Variants in MAN1C1 observed in about 807,000 individuals in gnomAD.
The protein encoded by MAN1C1 is mannosyl-oligosaccharide 1,2-alpha-mannosidase IC.
In MAN1C1, 49 loss-of-function variants were observed where a neutral mutation model predicts 71.5. That is an observed-to-expected ratio of 0.69 (90% CI 0.54 to 0.87). The LOEUF (loss-of-function observed/expected upper bound fraction) is 0.87, where lower values mean the gene tolerates loss of function less well. Among genes scored for constraint, MAN1C1 ranks in the 40% least tolerant of loss-of-function variants. The pLI is 0.00. For missense variants in MAN1C1, 743 were observed against 835.0 expected, an observed-to-expected ratio of 0.89 and a Z score of 1.36; for synonymous variants, 352 against 343.7, an observed-to-expected ratio of 1.02 and a Z score of -0.27.
At chr1:25,674,589 A>G (rs1343490306) in intron 1 of MAN1C1, among the ~76,000 whole-genome samples, 1 of 152,226 alleles carries the variant, frequency 6.6e-6, no homozygotes, top group Non-Finnish European at 1.5e-5. Flanking sequence ...GGGCACTGAA[A>G]GATGAGTGGA....
intron 1 of MAN1C1, among the ~76,000 whole-genome samples, chr1:25,651,075 A>G (rs2124064119): frequency 6.6e-6 from 1 of 152,266 alleles, no homozygotes. Flanking sequence ...AGAGATTGCC[A>G]CTGGGTGAAC....
chr1:25,743,831 T>C (rs2047093118), intron 2 of MAN1C1, among the ~76,000 whole-genome samples: 1 of 152,168 alleles, frequency 6.6e-6, no homozygotes, highest in African/African-American at 2.4e-5. Flanking sequence ...CCCCTGGCCT[T>C]GAAGGACATA....
Position 25,782,652 on chromosome 1 carries a change from C to T in MAN1C1, c.1718C>T (p.Pro573Leu), listed in dbSNP as rs200005708. ...ATCCAAGACGTGTACAGTAGCACCCCCAACCACGACAACAAGCAGCAGAGC... is the reference window on the plus strand; with the variant it reads ...ATCCAAGACGTGTACAGTAGCACCCTCAACCACGACAACAAGCAGCAGAGC... ...SGIQDVYSST[P>L]NHDNKQQSFF... The change falls in exon 11 of 12, where the codon CCC becomes CTC. Residue 573 changes from proline (P) to leucine (L), a missense_variant. Pro to Leu is a moderately conservative substitution (Grantham distance 98, BLOSUM62 -3). Transcript: ENST00000374332. This position sits in a 1 kb window ranked among gnomAD's most constrained non-coding sequence, Gnocchi z 4.4. 55 of 1,613,946 alleles carry T rather than the reference C, an allele frequency of 3.4e-5. No homozygotes were observed. In the South Asian group the frequency reaches 4.4e-4, roughly 13 times the overall value.
At chr1:25,745,983 T>G (rs374756588) in intron 2 of MAN1C1, among the ~76,000 whole-genome samples, 3 of 151,180 alleles carry the variant, frequency 2.0e-5, no homozygotes, top group African/African-American at 4.9e-5. Context: ...AGAACAAGAT[T>G]CTGTCTCCAA....
intron 1 of MAN1C1, among the ~76,000 whole-genome samples, chr1:25,660,557 TA>T (rs1162121958): frequency 2.0e-5 from 3 of 147,880 alleles, no homozygotes; most frequent in African/African-American, 7.5e-5. Flanking sequence ...CATGCCTGGC[TA>T]ATTTTTTGTA....
At chr1:25,672,754 TG>T (rs1364994252) in intron 1 of MAN1C1, among the ~76,000 whole-genome samples, 2 of 152,134 alleles carry the variant, frequency 1.3e-5, no homozygotes, top group African/African-American at 4.8e-5. Context: ...TTAGAACATT[TG>T]GGGGCCATTG....
rs2045103503 is a variant in MAN1C1, at chr1:25,616,835, C to T, written c.-963C>T. ...GCGGCGGCGGGGACGGCGGTGGAGG[C>T]GGCCGGGTGGCTGTGCGCGCGTGTG... On this transcript the variant is annotated 5_prime_UTR_variant, in exon 1 of 12. Transcript: ENST00000374332. The surrounding 1 kb of genome is among the most constrained non-coding windows in gnomAD (Gnocchi z 5.6). Among the ~76,000 whole-genome samples the T allele has an allele frequency of 3.4e-5, 5 of 148,454 alleles. No individual in the cohort carries two copies. The South Asian group carries it at 1.0e-3, about 31-fold the overall frequency.
chr1:25,710,844 G>A (rs1324137049), intron 2 of MAN1C1, among the ~76,000 whole-genome samples: 1 of 152,194 alleles, frequency 6.6e-6, no homozygotes. Flanking sequence ...TATAGTTGAT[G>A]GGACCCTGGG....
chr1:25,730,899 G>A lies in MAN1C1; in HGVS notation c.638-15769G>A, dbSNP rs1026982716. Among the ~76,000 whole-genome samples the A allele has an allele frequency of 3.9e-5, 6 of 152,242 alleles. No individual in the cohort carries two copies. Among genetic ancestry groups the A allele is most frequent in the Non-Finnish European group, 8.8e-5 (6 of 68,046 alleles). On this transcript the variant is annotated intron_variant, in intron 2 of 11. Transcript: ENST00000374332. The surrounding 1 kb of genome is among the most constrained non-coding windows in gnomAD (Gnocchi z 4.3). ...ATTGCTAGTACCTTGGACAGATGCA[G>A]ACTCGCTGCTGGCTCAGAGAGGTTA...
chr1:25,769,638 C>T lies in MAN1C1; in HGVS notation c.1142-2019C>T, dbSNP rs1257714422. Among the ~76,000 whole-genome samples the T allele has an allele frequency of 6.6e-6, 1 of 152,192 alleles. No homozygotes were observed. The highest frequency in any genetic ancestry group is 6.5e-5 in the Admixed American group (1 of 15,284). ...CTGGCACAGCCCAAGCCTCCCATCCCGGCAGAGCCCAGGCCTCCCTTCCAT... is the reference window on the plus strand; with the variant it reads ...CTGGCACAGCCCAAGCCTCCCATCCTGGCAGAGCCCAGGCCTCCCTTCCAT... On this transcript the variant is annotated intron_variant, in intron 7 of 11. Coordinates refer to ENST00000374332, the MANE Select transcript of MAN1C1 (RefSeq NM_020379.4). This position sits in a 1 kb window ranked among gnomAD's most constrained non-coding sequence, Gnocchi z 4.8.
chr1:25,765,116 T>C (rs1327277568), intron 7 of MAN1C1, among the ~76,000 whole-genome samples: 2 of 152,152 alleles, frequency 1.3e-5, no homozygotes, highest in African/African-American at 4.8e-5. Context: ...TCCCAGAGTT[T>C]TCAGAAGGTC....
At chr1:25,647,867 C>A (rs1282864378) in intron 1 of MAN1C1, among the ~76,000 whole-genome samples, 1 of 152,078 alleles carries the variant, frequency 6.6e-6, no homozygotes, top group Non-Finnish European at 1.5e-5. Context: ...TGGCTAATGG[C>A]TTAGGACCTA....
At chr1:25,712,584 G>T (rs2046628058) in intron 2 of MAN1C1, among the ~76,000 whole-genome samples, 5 of 152,196 alleles carry the variant, frequency 3.3e-5, no homozygotes, top group African/African-American at 1.2e-4. Flanking sequence ...TTGTGAAACT[G>T]CTTACCTGTC....
Position 25,670,410 on chromosome 1 carries a change from C to T in MAN1C1, c.541-16030C>T, listed in dbSNP as rs574386050. On this transcript the variant is annotated intron_variant, in intron 1 of 11. Transcript: ENST00000374332. Reference sequence around the variant, plus strand: ...AAAGTTTGGGTAAAAGAACTGGTTCCGCCTCTTTCATGTTTCCAAAGGCTC... The same window carrying T: ...AAAGTTTGGGTAAAAGAACTGGTTCTGCCTCTTTCATGTTTCCAAAGGCTC... Among the ~76,000 whole-genome samples, 12 of 152,296 alleles carry T rather than the reference C, an allele frequency of 7.9e-5. No homozygotes were observed. In the East Asian group the frequency reaches 2.1e-3, roughly 27 times the overall value.
intron 1 of MAN1C1, among the ~76,000 whole-genome samples, chr1:25,636,976 GA>G (rs1264737491): frequency 1.3e-5 from 2 of 151,908 alleles, no homozygotes; most frequent in Non-Finnish European, 2.9e-5. Flanking sequence ...CCAGCATAGT[GA>G]AACCCCATCT....
chr1:25,761,748 G>A (rs147204181), intron 6 of MAN1C1: 12,401 of 148,596 alleles, frequency 0.083, 755 homozygotes, highest in East Asian at 0.24. Flanking sequence ...TCAGCCTCCC[G>A]AGTAGCTGGG....
At chr1:25,633,980 C>T (rs900175688) in intron 1 of MAN1C1, among the ~76,000 whole-genome samples, 2 of 152,130 alleles carry the variant, frequency 1.3e-5, no homozygotes, top group Non-Finnish European at 1.5e-5. Context: ...GTGACAAGTT[C>T]CTTCACCATG....
chr1:25,732,550 C>T (rs979935294), intron 2 of MAN1C1, among the ~76,000 whole-genome samples: 1 of 152,228 alleles, frequency 6.6e-6, no homozygotes, highest in Non-Finnish European at 1.5e-5. Flanking sequence ...TCGGCCTTCA[C>T]GCAGGTTTGC....
chr1:25,644,512 A>T (rs1442165580), intron 1 of MAN1C1: 5 of 91,010 alleles, frequency 5.5e-5, no homozygotes, highest in African/African-American at 4.2e-4. Flanking sequence ...ATATATATAT[A>T]TATATATTTT....
Sources: allele counts gnomAD v4.1 joint callset (sites outside exome capture counted in the v4.1 genomes callset), GRCh38; gene constraint gnomAD v4.1.1; non-coding constraint Gnocchi (gnomAD v3.1); transcripts MANE v1.5; gene names NCBI Gene and HGNC (gene_info 2026-07-23, HGNC 2026-07-21).